Variants in C12orf42 observed in about 807,000 individuals in gnomAD.
The protein encoded by C12orf42 is chromosome 12 open reading frame 42.
C12orf42 carries 25 observed loss-of-function variants against 21.6 expected under a neutral mutation model. That is an observed-to-expected ratio of 1.16 (90% CI 0.84 to 1.62). The LOEUF (loss-of-function observed/expected upper bound fraction) is 1.62, where lower values mean the gene tolerates loss of function less well. Among genes scored for constraint, C12orf42 ranks in the 40% most tolerant of loss-of-function variants. The pLI is 0.00. For missense variants in C12orf42, 483 were observed against 459.3 expected (o/e 1.05, Z -0.47); for synonymous variants, 174 against 175.0 (o/e 0.99, Z 0.05).
chr12:103,158,418 T>C, the C12orf42 span, among the ~76,000 whole-genome samples: 11 of 152,178 alleles, frequency 7.2e-5, no homozygotes, highest in Non-Finnish European at 1.2e-4. Context: ...ACACATTCGC[T>C]TCCATTTCTA....
the C12orf42 span, among the ~76,000 whole-genome samples, chr12:103,068,044 C>T: frequency 1.3e-5 from 2 of 152,194 alleles, no homozygotes; most frequent in South Asian, 4.2e-4. Context: ...TGTGTCACTC[C>T]ACCAGCAAAA....
Position 103,306,308 on chromosome 12 carries a change from T to C in C12orf42, c.297A>G (p.Lys99=). 1.9e-6 allele frequency: 3 copies of C among 1,611,612 alleles called. No homozygotes were observed. The highest frequency in any genetic ancestry group is 1.7e-6 in the Non-Finnish European group (2 of 1,178,862). ...TGTACTGGCAAGTATGAAGTAGTCT[T>C]TTACACGCCATTGAATTTTGAGTCC... ...PERTQNSMAC[K]RLLHTCQYIV... Residue 99 remains lysine (K), a synonymous_variant, in exon 5 of 6, where the codon AAA becomes AAG. Transcript: ENST00000548883.
chr12:103,440,315 G>A (rs886201346), intron 2 of C12orf42, among the ~76,000 whole-genome samples: 2 of 141,208 alleles, frequency 1.4e-5, no homozygotes, highest in Non-Finnish European at 3.1e-5. Context: ...GCTAGATGAC[G>A]AGTTAGTGGG....
At chr12:103,141,678 C>T in the C12orf42 span, among the ~76,000 whole-genome samples, 1 of 151,816 alleles carries the variant, frequency 6.6e-6, no homozygotes, top group Non-Finnish European at 1.5e-5. Context: ...TACAGGCGTC[C>T]ACCACCACAC....
chr12:103,472,817 A>G (rs190558718), intron 2 of C12orf42, among the ~76,000 whole-genome samples: 1 of 152,246 alleles, frequency 6.6e-6, no homozygotes, highest in South Asian at 2.1e-4. Flanking sequence ...AGAGAGAAGC[A>G]GGGAGAGGCC....
At chr12:103,509,773 T>C in the C12orf42 span, among the ~76,000 whole-genome samples, 1 of 152,124 alleles carries the variant, frequency 6.6e-6, no homozygotes, top group African/African-American at 2.4e-5. Context: ...TCACAAATGA[T>C]CAGGGAAATG....
Position 103,302,024 on chromosome 12 carries a change from G to T in C12orf42, c.*84C>A, listed in dbSNP as rs573705967. On this transcript the variant is annotated 3_prime_UTR_variant, in exon 6 of 6. Coordinates refer to ENST00000548883, the MANE Select transcript of C12orf42 (RefSeq NM_198521.5). ...CCTAACAATGGTTCTGTGGAAACCA[G>T]TACATCTGAGGCCCTTTCTGTTGTT... The T allele has an allele frequency of 2.4e-5, 33 of 1,392,886 alleles. No individual in the cohort carries two copies. Among genetic ancestry groups the T allele is most frequent in the Non-Finnish European group, 3.2e-5 (33 of 1,017,764 alleles). 86.3% of individuals were successfully genotyped at this position (1,392,886 alleles called of 1,614,324 possible). A position where few individuals can be genotyped will look rare whatever the true frequency, so the allele number is the denominator to read the frequency against.
intron 3 of C12orf42, among the ~76,000 whole-genome samples, chr12:103,395,568 C>T (rs113778537): frequency 0.097 from 14,726 of 152,128 alleles, 871 homozygotes; most frequent in African/African-American, 0.17. Flanking sequence ...ATCTCCTGAC[C>T]GAGCGATCTG....
At chr12:103,507,145 A>ATAT in the C12orf42 span, among the ~76,000 whole-genome samples, 1 of 20,954 alleles carries the variant, frequency 4.8e-5, no homozygotes, top group African/African-American at 4.4e-4. Context: ...TTATATATAT[A>ATAT]ATATAAATAT....
Position 103,286,762 on chromosome 12 carries a change from T to A in C12orf42, n.338-9552A>T, listed in dbSNP as rs2036488437. On this transcript the variant is annotated intron_variant and non_coding_transcript_variant, in intron 4 of 6. Transcript: ENST00000546526. ...CATAGAATATGGAAGCAAATTGGAA[T>A]AAGTTGATATATCCTAGGAATTAGC... is the stretch of plus-strand genomic sequence containing the variant. 2.0e-5 allele frequency among the ~76,000 whole-genome samples: 3 copies of A among 152,082 alleles called. No individual in the cohort carries two copies. The South Asian group carries it at 6.2e-4, about 32-fold the overall frequency.
chr12:103,075,854 A>G, the C12orf42 span, among the ~76,000 whole-genome samples: 1 of 152,286 alleles, frequency 6.6e-6, no homozygotes, highest in South Asian at 2.1e-4. Context: ...ATACATGACC[A>G]TGGGTGATGG....
At chr12:103,509,690 G>A in the C12orf42 span, among the ~76,000 whole-genome samples, 2,392 of 152,228 alleles carry the variant, frequency 0.016, 24 homozygotes, top group South Asian at 0.024. Flanking sequence ...ATGGCTATTT[G>A]TATATCTTCT....
At chr12:103,294,600 G>GAAAGAA (rs2037103814) in intron 4 of C12orf42, among the ~76,000 whole-genome samples, 3 of 117,074 alleles carry the variant, frequency 2.6e-5, no homozygotes, top group Admixed American at 8.8e-5. Context: ...AAGAAAGAAA[G>GAAAGAA]AAAGAAAGAA....
the C12orf42 span, among the ~76,000 whole-genome samples, chr12:103,138,896 C>A: frequency 6.6e-6 from 1 of 152,090 alleles, no homozygotes; most frequent in Non-Finnish European, 1.5e-5. Flanking sequence ...CAGTGTTAAC[C>A]CTCTACCTTA....
At chr12:103,224,790 A>G in the C12orf42 span, among the ~76,000 whole-genome samples, 3 of 152,288 alleles carry the variant, frequency 2.0e-5, no homozygotes, top group South Asian at 6.2e-4. Context: ...GGGCTAGGCT[A>G]AAACAGTAAG....
the C12orf42 span, among the ~76,000 whole-genome samples, chr12:103,205,266 A>T: frequency 6.6e-6 from 1 of 152,226 alleles, no homozygotes; most frequent in Non-Finnish European, 1.5e-5. Flanking sequence ...TAATAAAGAC[A>T]TACCCAAACC....
At chr12:103,383,041 T>C (rs1765457485) in intron 3 of C12orf42, among the ~76,000 whole-genome samples, 1 of 152,176 alleles carries the variant, frequency 6.6e-6, no homozygotes, top group Non-Finnish European at 1.5e-5. Context: ...ATTGTCCTTG[T>C]CACAATATGA....
At chr12:103,250,492 A>G (rs573050510) in intron 10 of C12orf42, among the ~76,000 whole-genome samples, 96 of 152,194 alleles carry the variant, frequency 6.3e-4, no homozygotes, top group African/African-American at 2.2e-3. Flanking sequence ...ACCAACCATC[A>G]TGGCCACTGG....
chr12:103,554,484 A>G, the C12orf42 span, among the ~76,000 whole-genome samples: 5 of 152,116 alleles, frequency 3.3e-5, no homozygotes, highest in African/African-American at 1.2e-4. Context: ...CAACCCTGAG[A>G]CCAGGGTTTA....
Sources: gnomAD v4.1 joint callset for allele counts (sites outside exome capture counted in the v4.1 genomes callset) on GRCh38, gnomAD v4.1.1 for gene constraint, MANE v1.5 for transcripts, NCBI Gene and HGNC (gene_info 2026-07-23, HGNC 2026-07-21) for gene names.